CADM2: variants seen among roughly 807,000 people sequenced by gnomAD.
CADM2 encodes the protein immunoglobulin superfamily member 4D.
In CADM2, 12 loss-of-function variants were observed where a neutral mutation model predicts 49.8. The ratio of observed to expected loss-of-function variants is 0.24; its 90% CI spans 0.15 to 0.39. CADM2 has a LOEUF of 0.39. Ranked by LOEUF, CADM2 falls within the 10% of genes least tolerant of loss-of-function variation. The pLI is 1.00. For synonymous variants in CADM2, 214 were observed against 175.4 expected, an observed-to-expected ratio of 1.22 and a Z score of -1.74; for missense variants, 378 against 492.3, an observed-to-expected ratio of 0.77 and a Z score of 2.20.
intron 1 of CADM2, among the ~76,000 whole-genome samples, chr3:85,034,490 A>G (rs568180301): frequency 6.6e-5 from 10 of 152,172 alleles, no homozygotes; most frequent in South Asian, 2.1e-4. Context: ...TTCTTTATCT[A>G]TTCATATGCT....
At chr3:85,701,864 GATAGATAGA>G (rs1559601585) in intron 1 of CADM2, among the ~76,000 whole-genome samples, 3 of 53,470 alleles carry the variant, frequency 5.6e-5, no homozygotes, top group African/African-American at 2.0e-4. Context: ...GTAAAAGATA[GATAGATAGA>G]TAGATAGATA....
At chr3:85,870,962 A>G (rs1234829957) in intron 3 of CADM2, among the ~76,000 whole-genome samples, 1 of 152,238 alleles carries the variant, frequency 6.6e-6, no homozygotes, top group Non-Finnish European at 1.5e-5. Context: ...ATAGGCAATA[A>G]TATTCCAGAC....
At chr3:85,298,575 A>G (rs1023468238) in intron 1 of CADM2, among the ~76,000 whole-genome samples, 42 of 152,110 alleles carry the variant, frequency 2.8e-4, no homozygotes, top group African/African-American at 9.9e-4. Flanking sequence ...AGGTATTTGA[A>G]AGGAAATTCA....
At chr3:85,527,842 T>A (rs1414291435) in intron 1 of CADM2, among the ~76,000 whole-genome samples, 1 of 152,230 alleles carries the variant, frequency 6.6e-6, no homozygotes, top group Non-Finnish European at 1.5e-5. Flanking sequence ...CTCTGAATCA[T>A]TATAACGAGG....
intron 3 of CADM2, among the ~76,000 whole-genome samples, chr3:85,832,005 T>C (rs2074208886): frequency 6.6e-6 from 1 of 151,954 alleles, no homozygotes; most frequent in East Asian, 1.9e-4. Context: ...TGGTATATAG[T>C]GAAAGGTGAA....
chr3:85,199,370 T>TGTGAGAGAGAGAGAGAGAGA (rs1553694531), intron 1 of CADM2, among the ~76,000 whole-genome samples: 19 of 140,166 alleles, frequency 1.4e-4, no homozygotes, highest in African/African-American at 5.1e-4. Context: ...TGTGTGTGTA[T>TGTGAGAGAGAGAGAGAGAGA]GAGAGAGAGA....
chr3:85,747,865 T>A (rs1157484334), intron 2 of CADM2, among the ~76,000 whole-genome samples: 4 of 152,114 alleles, frequency 2.6e-5, no homozygotes, highest in African/African-American at 4.8e-5. Context: ...GAGCAGTTTC[T>A]GAATGAATTA....
At chr3:85,392,387 T>G (rs2034559700) in intron 1 of CADM2, among the ~76,000 whole-genome samples, 2 of 152,120 alleles carry the variant, frequency 1.3e-5, no homozygotes, top group African/African-American at 4.8e-5. Flanking sequence ...TTATTATAAT[T>G]ATTATTGATT....
intron 2 of CADM2, among the ~76,000 whole-genome samples, chr3:85,740,633 T>C (rs1189039014): frequency 6.6e-6 from 1 of 152,172 alleles, no homozygotes; most frequent in African/African-American, 2.4e-5. Flanking sequence ...ATCTATGCAG[T>C]TTACCACCAG....
chr3:85,405,829 T>C (rs1335061583), intron 1 of CADM2, among the ~76,000 whole-genome samples: 1 of 151,874 alleles, frequency 6.6e-6, no homozygotes, highest in Non-Finnish European at 1.5e-5. Flanking sequence ...AAAGAGATTC[T>C]ACATTCCTGA....
chr3:85,322,814 C>A (rs2044651228), intron 1 of CADM2, among the ~76,000 whole-genome samples: 1 of 152,142 alleles, frequency 6.6e-6, no homozygotes, highest in South Asian at 2.1e-4. Flanking sequence ...TAAGAACAAT[C>A]ATTCAGAGAG....
chr3:85,820,857 A>T (rs897363380), intron 3 of CADM2, among the ~76,000 whole-genome samples: 1 of 152,150 alleles, frequency 6.6e-6, no homozygotes, highest in Non-Finnish European at 1.5e-5. Context: ...ACCACAGGTT[A>T]AGGAGGTGAG....
At chr3:85,708,903 T>A (rs2067030616) in intron 1 of CADM2, among the ~76,000 whole-genome samples, 1 of 152,090 alleles carries the variant, frequency 6.6e-6, no homozygotes, top group Non-Finnish European at 1.5e-5. Context: ...ATTATGGGTT[T>A]GTTAAACAGA....
At chr3:85,697,162 G>C (rs1206949889) in intron 1 of CADM2, among the ~76,000 whole-genome samples, 2 of 150,440 alleles carry the variant, frequency 1.3e-5, no homozygotes, top group Non-Finnish European at 3.0e-5. Context: ...CATAGAACAG[G>C]TAGATTATAT....
chr3:85,121,914 A>C (rs1315336954), intron 1 of CADM2, among the ~76,000 whole-genome samples: 1 of 152,038 alleles, frequency 6.6e-6, no homozygotes, highest in African/African-American at 2.4e-5. Context: ...TGACATTTTC[A>C]TTTATCTCCA....
At chr3:86,032,068 A>ATAATGATTTTTCCTTTACTTTTT in intron 8 of CADM2, among the ~76,000 whole-genome samples, 1 of 151,928 alleles carries the variant, frequency 6.6e-6, no homozygotes, top group Non-Finnish European at 1.5e-5. Context: ...GTGTCAATAA[A>ATAATGATTTTTCCTTTACTTTTT]TAATGATTTT....
At chr3:85,799,068 T>C (rs947507042) in intron 2 of CADM2, among the ~76,000 whole-genome samples, 14 of 152,272 alleles carry the variant, frequency 9.2e-5, no homozygotes, top group Non-Finnish European at 1.5e-4. Context: ...TTTGGCTCTC[T>C]GTTTGTCTGT....
At chr3:85,315,039 A>C (rs2107070808) in intron 1 of CADM2, among the ~76,000 whole-genome samples, 1 of 152,266 alleles carries the variant, frequency 6.6e-6, no homozygotes, top group African/African-American at 2.4e-5. Flanking sequence ...TTGCTCCAAA[A>C]ATTTTAGGAG....
intron 1 of CADM2, among the ~76,000 whole-genome samples, chr3:85,516,592 C>A (rs1345439566): frequency 1.3e-5 from 2 of 151,914 alleles, no homozygotes; most frequent in Non-Finnish European, 2.9e-5. Context: ...TTTAAATAAG[C>A]AGTATATATT....
Sources: allele counts gnomAD v4.1 joint callset (sites outside exome capture counted in the v4.1 genomes callset), GRCh38; gene constraint gnomAD v4.1.1; transcripts MANE v1.5; gene names NCBI Gene and HGNC (gene_info 2026-07-23, HGNC 2026-07-21).